TNFRSF19: variants seen among roughly 807,000 people sequenced by gnomAD.
TNFRSF19 encodes TNF receptor superfamily member 19, also known as tumor necrosis factor receptor superfamily member 19.
In TNFRSF19, 27 loss-of-function variants were observed where a neutral mutation model predicts 46.4. The observed-to-expected ratio is 0.58, with a 90% CI of 0.43 to 0.80. The LOEUF is 0.80. Ranked by LOEUF, TNFRSF19 falls within the 30% of genes least tolerant of loss-of-function variation. The pLI, the probability that TNFRSF19 is intolerant of heterozygous loss-of-function variation, is 0.00. For synonymous variants in TNFRSF19, 204 were observed against 205.0 expected (o/e 1.00, Z 0.04); for missense variants, 511 against 530.8 (o/e 0.96, Z 0.37).
chr13:23,589,895 G>GT (rs1368140469), intron 1 of TNFRSF19, among the ~76,000 whole-genome samples: 2 of 152,132 alleles, frequency 1.3e-5, no homozygotes, highest in African/African-American at 4.8e-5. Flanking sequence ...ATAAAGGCGG[G>GT]TATAGCCTGG....
intron 4 of TNFRSF19, among the ~76,000 whole-genome samples, chr13:23,625,009 C>T (rs370809475): frequency 6.6e-5 from 10 of 152,256 alleles, no homozygotes; most frequent in African/African-American, 2.4e-4. Context: ...GCCTCAGCCT[C>T]CCAAAGTGCT....
chr13:23,657,387 T>C (rs1209318232), intron 5 of TNFRSF19, among the ~76,000 whole-genome samples: 1 of 152,118 alleles, frequency 6.6e-6, no homozygotes, highest in Non-Finnish European at 1.5e-5. Context: ...AGATGACAAA[T>C]TGGCTTGTGT....
At chr13:23,648,129 C>T (rs191341483) in intron 5 of TNFRSF19, among the ~76,000 whole-genome samples, 21 of 152,216 alleles carry the variant, frequency 1.4e-4, no homozygotes, top group Admixed American at 1.1e-3. Context: ...GTAAAAAATG[C>T]CATTGAATTT....
intron 2 of TNFRSF19, among the ~76,000 whole-genome samples, chr13:23,590,888 C>T (rs1231984869): frequency 6.6e-6 from 1 of 151,694 alleles, no homozygotes; most frequent in Non-Finnish European, 1.5e-5. Context: ...GCTAAAAGAC[C>T]ATAAATTCTA....
intron 5 of TNFRSF19, among the ~76,000 whole-genome samples, chr13:23,639,317 C>T (rs774282334): frequency 7.2e-5 from 11 of 152,130 alleles, no homozygotes; most frequent in Non-Finnish European, 1.6e-4. Flanking sequence ...CATTTGAACC[C>T]GGGAGGCAGA....
intron 5 of TNFRSF19, 127 bp downstream of exon 5, chr13:23,626,919 C>T: frequency 1.3e-6 from 1 of 788,624 alleles, no homozygotes. Context: ...TACAGTGTGT[C>T]CTCTTTAATC....
intron 1 of TNFRSF19, among the ~76,000 whole-genome samples, chr13:23,581,124 TTTC>T (rs1449448026): frequency 1.4e-5 from 2 of 142,896 alleles, no homozygotes; most frequent in African/African-American, 5.3e-5. Flanking sequence ...CTTTTCTTTT[TTTC>T]TTTTCTTTTT....
rs369775882 is a variant in TNFRSF19, at chr13:23,609,750, G to C, written c.181-6117G>C. ...GAAGATGTTTACATTTTTGAAAACT[G>C]TTTTTGTCTCTATGAGGAAAGTTTT... On this transcript the variant is annotated intron_variant, in intron 3 of 9. Transcript: ENST00000248484. Among the ~76,000 whole-genome samples, 84 of 152,292 alleles carry C rather than the reference G, an allele frequency of 5.5e-4. 1 individual carries two copies. The highest frequency in any genetic ancestry group is 1.9e-3 in the African/African-American group (79 of 41,560).
At chr13:23,668,570 G>C in intron 8 of TNFRSF19, 122 bp from the exon 9 acceptor site, 1 of 1,144,888 alleles carries the variant, frequency 8.7e-7, no homozygotes, top group South Asian at 1.6e-5. Flanking sequence ...GGAAACACTA[G>C]AATTCTGATG....
intron 1 of TNFRSF19, among the ~76,000 whole-genome samples, chr13:23,582,720 T>C (rs1483321040): frequency 6.6e-6 from 1 of 152,194 alleles, no homozygotes; most frequent in Non-Finnish European, 1.5e-5. Flanking sequence ...CATATTTCCT[T>C]GCCCTCTTCA....
intron 4 of TNFRSF19, among the ~76,000 whole-genome samples, chr13:23,623,449 T>C (rs1881801027): frequency 6.6e-6 from 1 of 152,220 alleles, no homozygotes; most frequent in Non-Finnish European, 1.5e-5. Flanking sequence ...ATTTGAGTTC[T>C]TTTAGATATA....
chr13:23,668,863 C>G lies in TNFRSF19; in HGVS notation c.1011C>G (p.Leu337=), dbSNP rs1398119210. 2 of 1,614,258 alleles carry G rather than the reference C, an allele frequency of 1.2e-6. No homozygotes were observed. The highest frequency in any genetic ancestry group is 2.2e-5 in the South Asian group (2 of 91,088). ...TCACTGGAGAAGACATTCATTCTCT[C>G]AATCCAGAACTTGAAAGCTCAACGT... ...PELTGEDIHS[L]NPELESSTSL... is the part of the protein sequence containing the mutation. The change falls in exon 9 of 10, where the codon CTC becomes CTG. Residue 337 remains leucine (L), a synonymous_variant. Coordinates refer to ENST00000248484, the MANE Select transcript of TNFRSF19 (RefSeq NM_148957.4).
chr13:23,654,384 C>A (rs978378533), intron 5 of TNFRSF19, among the ~76,000 whole-genome samples: 2 of 152,124 alleles, frequency 1.3e-5, no homozygotes, highest in African/African-American at 4.8e-5. Context: ...GCCCCTGCCC[C>A]AGGACACCCA....
chr13:23,596,427 A>G (rs1223903910), intron 3 of TNFRSF19, among the ~76,000 whole-genome samples: 1 of 152,240 alleles, frequency 6.6e-6, no homozygotes, highest in East Asian at 1.9e-4. Flanking sequence ...TGGAAAGCAA[A>G]AAAAAGCAGG....
At chr13:23,622,072 T>G (rs1207923354) in intron 4 of TNFRSF19, among the ~76,000 whole-genome samples, 1 of 152,142 alleles carries the variant, frequency 6.6e-6, no homozygotes. Flanking sequence ...CTCACCCTCC[T>G]TTCTAAATAG....
chr13:23,593,507 G>C (rs373822717), intron 3 of TNFRSF19, 52 bp downstream of exon 3: 2 of 1,202,588 alleles, frequency 1.7e-6, no homozygotes, highest in Non-Finnish European at 1.2e-6. Flanking sequence ...AAATGCATTC[G>C]TCTTAACTCA....
intron 5 of TNFRSF19, among the ~76,000 whole-genome samples, chr13:23,638,671 C>T (rs1882847824): frequency 6.6e-6 from 1 of 152,162 alleles, no homozygotes; most frequent in South Asian, 2.1e-4. Context: ...GTAGCAGCTT[C>T]CTCCCTGACT....
rs774733677 is a variant in TNFRSF19, at chr13:23,660,416, T to G, written c.662T>G (p.Phe221Cys). 1.2e-6 allele frequency: 2 copies of G among 1,613,944 alleles called. No homozygotes were observed. Among genetic ancestry groups the G allele is most frequent in the Admixed American group, 3.3e-5 (2 of 60,016 alleles). Reference sequence around the variant, plus strand: ...TACAACGGCTCTGAGCTGTCGTGTTTTGACAGACCTCAGCTCCACGAATAT... The same window carrying G: ...TACAACGGCTCTGAGCTGTCGTGTTGTGACAGACCTCAGCTCCACGAATAT... The part of the protein sequence containing the change: ...IQYNGSELSC[F>C]DRPQLHEYAH... Residue 221 changes from phenylalanine (F) to cysteine (C), a missense_variant, in exon 7 of 10, where the codon TTT (phenylalanine) becomes TGT (cysteine). By Grantham distance (205) the Phe-to-Cys change is radical. Transcript: ENST00000248484.
chr13:23,674,338 G>T lies in TNFRSF19; in HGVS notation c.*958G>T, dbSNP rs990249161. ...CATATCAGGTTCCCCTACTACTGAAGTAGCCTTCCGTGAGAACACACCACA... is the reference window on the plus strand; with the variant it reads ...CATATCAGGTTCCCCTACTACTGAATTAGCCTTCCGTGAGAACACACCACA... On this transcript the variant is annotated 3_prime_UTR_variant, in exon 10 of 10. Transcript: ENST00000248484. 6.6e-6 allele frequency: 1 copy of T among 152,180 alleles called. No individual in the cohort carries two copies. Among genetic ancestry groups the T allele is most frequent in the African/African-American group, 2.4e-5 (1 of 41,442 alleles). The allele number at this position is 152,180 out of a possible 1,614,324, so 9.4% of individuals were successfully genotyped here.
Sources: allele counts gnomAD v4.1 joint callset (sites outside exome capture counted in the v4.1 genomes callset), GRCh38; gene constraint gnomAD v4.1.1; transcripts MANE v1.5; gene names NCBI Gene and HGNC (gene_info 2026-07-23, HGNC 2026-07-21).